TFDP2: variants seen among roughly 807,000 people sequenced by gnomAD.
The protein encoded by TFDP2 is transcription factor Dp-2, also known as transcription factor Dp-2 (E2F dimerization partner 2).
Under a neutral mutation model 59.3 loss-of-function variants are expected in TFDP2, and 17 were observed. The ratio of observed to expected loss-of-function variants is 0.29; its 90% CI spans 0.20 to 0.43. The LOEUF is 0.43. Among genes scored for constraint, TFDP2 ranks in the 20% least tolerant of loss-of-function variants. TFDP2 has a pLI of 1.00. For synonymous variants in TFDP2, 180 were observed against 194.7 expected, an observed-to-expected ratio of 0.92 and a Z score of 0.63; for missense variants, 391 against 528.8, an observed-to-expected ratio of 0.74 and a Z score of 2.56.
intron 1 of TFDP2, among the ~76,000 whole-genome samples, chr3:142,134,756 A>C (rs2062656953): frequency 6.6e-6 from 1 of 152,126 alleles, no homozygotes; most frequent in African/African-American, 2.4e-5. Flanking sequence ...AGATAGGTAG[A>C]TAGAAAGACA....
chr3:142,036,676 C>T (rs1226244656), intron 3 of TFDP2, among the ~76,000 whole-genome samples: 2 of 152,198 alleles, frequency 1.3e-5, no homozygotes, highest in African/African-American at 4.8e-5. Flanking sequence ...CCTTCAGTAG[C>T]TTCCCATCTG....
At chr3:142,013,662 C>T (rs1227649254) in intron 3 of TFDP2, among the ~76,000 whole-genome samples, 2 of 152,142 alleles carry the variant, frequency 1.3e-5, no homozygotes, top group Non-Finnish European at 2.9e-5. Context: ...GAACTAAAAA[C>T]TTATGCCAGA....
chr3:141,967,708 C>A (rs1053151974), intron 9 of TFDP2, among the ~76,000 whole-genome samples: 1 of 152,054 alleles, frequency 6.6e-6, no homozygotes, highest in Non-Finnish European at 1.5e-5. Context: ...AGCCATGTTG[C>A]CCCTGGGTGG....
In TFDP2 at chr3:142,121,684, C is replaced by T. The variant is rs1207694877; in HGVS notation, c.-92-19843G>A. On this transcript the variant is annotated intron_variant, in intron 1 of 12. Coordinates refer to ENST00000489671, the MANE Select transcript of TFDP2 (RefSeq NM_001178139.2). The surrounding 1 kb of genome is among the most constrained non-coding windows in gnomAD (Gnocchi z 4.3). ...CAGATTGACTATACAGTTTAGAAGA[C>T]TCTTTCAAGGAGTAGCATATGATTA... is the stretch of plus-strand genomic sequence containing the variant. Among the ~76,000 whole-genome samples, 1 of 152,044 alleles carries T rather than the reference C, an allele frequency of 6.6e-6. No individual in the cohort carries two copies. The highest frequency in any genetic ancestry group is 1.5e-5 in the Non-Finnish European group (1 of 68,028).
chr3:142,033,250 T>C (rs947946544), intron 3 of TFDP2, among the ~76,000 whole-genome samples: 6 of 152,252 alleles, frequency 3.9e-5, no homozygotes, highest in Non-Finnish European at 8.8e-5. Context: ...TCAGTCATGC[T>C]AGCCACATGT....
At chr3:142,100,418 G>A (rs1326276418) in intron 2 of TFDP2, among the ~76,000 whole-genome samples, 1 of 152,120 alleles carries the variant, frequency 6.6e-6, no homozygotes, top group Non-Finnish European at 1.5e-5. Context: ...TGTCCCCCAG[G>A]CTGGAGTGCA....
chr3:142,045,487 C>T (rs1947287796), intron 3 of TFDP2, among the ~76,000 whole-genome samples: 1 of 151,826 alleles, frequency 6.6e-6, no homozygotes, highest in South Asian at 2.1e-4. Flanking sequence ...TTAATAAATC[C>T]CACGATGCCT....
intron 1 of TFDP2, among the ~76,000 whole-genome samples, chr3:142,103,740 T>A (rs1289479590): frequency 6.6e-6 from 1 of 152,274 alleles, no homozygotes; most frequent in Admixed American, 6.5e-5. Context: ...TAAACTTTAA[T>A]AAGACATTCA....
intron 8 of TFDP2, among the ~76,000 whole-genome samples, chr3:141,970,641 C>A (rs1269915013): frequency 6.6e-6 from 1 of 152,220 alleles, no homozygotes; most frequent in Non-Finnish European, 1.5e-5. Flanking sequence ...CCTAAATCCT[C>A]TGGTTACAGG....
intron 11 of TFDP2, among the ~76,000 whole-genome samples, chr3:141,954,953 C>A (rs1936408122): frequency 6.6e-6 from 1 of 152,086 alleles, no homozygotes; most frequent in South Asian, 2.1e-4. Context: ...GTCTTATGAA[C>A]CTTTTTCTTT....
At chr3:142,016,399 A>G (rs1945139760) in intron 3 of TFDP2, among the ~76,000 whole-genome samples, 1 of 151,560 alleles carries the variant, frequency 6.6e-6, no homozygotes, top group Non-Finnish European at 1.5e-5. Flanking sequence ...CCTGGGTTCA[A>G]GCAATTCTCC....
chr3:142,044,000 CT>C, intron 3 of TFDP2: 2 of 702,046 alleles, frequency 2.8e-6, no homozygotes, highest in East Asian at 2.6e-5. Flanking sequence ...GGGCCAAGGT[CT>C]TTTTCCGGCA....
chr3:142,115,238 A>G (rs2061809487), intron 1 of TFDP2, among the ~76,000 whole-genome samples: 1 of 151,960 alleles, frequency 6.6e-6, no homozygotes, highest in African/African-American at 2.4e-5. Context: ...GCATCTGAAC[A>G]CCTCAAATAT....
At chr3:141,959,948 T>A in intron 10 of TFDP2, 108 bp from the exon 11 acceptor site, 2 of 1,002,592 alleles carry the variant, frequency 2.0e-6, no homozygotes, top group Non-Finnish European at 1.5e-6. Context: ...CCAGCTATAG[T>A]GCTAGAAATT....
intron 3 of TFDP2, among the ~76,000 whole-genome samples, chr3:142,031,077 C>A (rs1011706228): frequency 1.3e-5 from 2 of 152,112 alleles, no homozygotes; most frequent in African/African-American, 4.8e-5. Flanking sequence ...AGCACCCCCC[C>A]GGCCCTCCAA....
intron 9 of TFDP2, among the ~76,000 whole-genome samples, chr3:141,968,259 TATATATA>T (rs1938455504): frequency 7.3e-6 from 1 of 136,320 alleles, no homozygotes; most frequent in African/African-American, 2.7e-5. Context: ...TATTATATAT[TATATATA>T]ATTATATATA....
intron 4 of TFDP2, among the ~76,000 whole-genome samples, chr3:141,998,944 T>C (rs528165804): frequency 6.6e-6 from 1 of 152,328 alleles, no homozygotes; most frequent in Admixed American, 6.5e-5. Flanking sequence ...TAAAGTGGTA[T>C]ATTAAGAGAT....
At chr3:142,118,547 T>C (rs1378254282) in intron 1 of TFDP2, among the ~76,000 whole-genome samples, 1 of 152,060 alleles carries the variant, frequency 6.6e-6, no homozygotes, top group Non-Finnish European at 1.5e-5. Context: ...AAGAGCTGAT[T>C]AAAGAAATAG....
At chr3:142,124,244 C>T (rs2108705775) in intron 1 of TFDP2, among the ~76,000 whole-genome samples, 1 of 152,094 alleles carries the variant, frequency 6.6e-6, no homozygotes, top group East Asian at 1.9e-4. Context: ...TCAACTGATT[C>T]AAAAGTTAAT....
Sources: allele counts gnomAD v4.1 joint callset (sites outside exome capture counted in the v4.1 genomes callset), GRCh38; gene constraint gnomAD v4.1.1; non-coding constraint Gnocchi (gnomAD v3.1); transcripts MANE v1.5; gene names NCBI Gene and HGNC (gene_info 2026-07-23, HGNC 2026-07-21).